The following SLC6A12 variants were observed in gnomAD, a reference collection of about 807,000 sequenced individuals.
SLC6A12 encodes sodium- and chloride-dependent betaine transporter.
In SLC6A12, 50 loss-of-function variants were observed where a neutral mutation model predicts 73.3. The observed-to-expected ratio is 0.68, with a 90% CI of 0.54 to 0.86. SLC6A12 has a LOEUF of 0.86. Ranked by LOEUF, SLC6A12 falls within the 40% of genes least tolerant of loss-of-function variation. The pLI is 0.00. For synonymous variants in SLC6A12, 304 were observed against 309.2 expected (o/e 0.98, Z 0.18); for missense variants, 648 against 772.8 (o/e 0.84, Z 1.92).
chr12:205,258 G>T (rs1456640478), intron 3 of SLC6A12, among the ~76,000 whole-genome samples: 1 of 152,048 alleles, frequency 6.6e-6, no homozygotes. Flanking sequence ...CATCCAGCAG[G>T]TTACACAGGA....
At chr12:211,605 G>A (rs1335678337) in intron 2 of SLC6A12, among the ~76,000 whole-genome samples, 2 of 152,164 alleles carry the variant, frequency 1.3e-5, no homozygotes, top group African/African-American at 4.8e-5. Context: ...ATGAAAAAAT[G>A]GGGAGTTGGG....
intron 4 of SLC6A12, chr12:204,164 C>G (rs1347975417): frequency 4.6e-6 from 1 of 219,186 alleles, no homozygotes; most frequent in South Asian, 8.2e-5. Flanking sequence ...CTGCTGGGGT[C>G]GAGGGCAGAA....
At position 213,134 on chromosome 12, in the gene SLC6A12, C is replaced by G. The variant is rs1940971441; in HGVS notation, c.-143+788G>C. 6.6e-6 allele frequency among the ~76,000 whole-genome samples: 1 copy of G among 152,124 alleles called. No individual in the cohort carries two copies. Among genetic ancestry groups the G allele is most frequent in the Non-Finnish European group, 1.5e-5 (1 of 68,018 alleles). Reference sequence around the variant, plus strand: ...GTGCTGCTGGGATCCCAGCTCTGTCCCCTTTGCTCCCCAGTCCAGCATAGG... The same window carrying G: ...GTGCTGCTGGGATCCCAGCTCTGTCGCCTTTGCTCCCCAGTCCAGCATAGG... On this transcript the variant is annotated intron_variant, in intron 1 of 15. Coordinates refer to ENST00000684302, the MANE Select transcript of SLC6A12 (RefSeq NM_001122848.3). This position sits in a 1 kb window ranked among gnomAD's most constrained non-coding sequence, Gnocchi z 5.3.
At chr12:200,161 T>C (rs986536914) in intron 7 of SLC6A12, among the ~76,000 whole-genome samples, 6 of 142,758 alleles carry the variant, frequency 4.2e-5, no homozygotes, top group East Asian at 2.0e-4. Flanking sequence ...CAGGCTGGAG[T>C]GCAGTGGCGC....
intron 2 of SLC6A12, chr12:210,416 G>T: frequency 9.2e-7 from 1 of 1,085,972 alleles, no homozygotes; most frequent in Non-Finnish European, 1.1e-6. Context: ...CTAGCCTCTG[G>T]CCTCCAGGTC....
downstream of SLC6A12, among the ~76,000 whole-genome samples, chr12:185,217 C>G (rs1202862220): frequency 6.6e-6 from 1 of 152,222 alleles, no homozygotes; most frequent in Admixed American, 6.5e-5. Context: ...GACAGCTGGC[C>G]GGGTAAGGCC....
At chr12:202,693 G>C (rs555595520) in intron 5 of SLC6A12, 47 bp downstream of exon 5, 1 of 1,589,756 alleles carries the variant, frequency 6.3e-7, no homozygotes, top group South Asian at 1.1e-5. Context: ...AGCCACCGCA[G>C]CCCAGCCCCT....
chr12:188,110 T>G (rs552978309), downstream of SLC6A12, among the ~76,000 whole-genome samples: 29 of 152,328 alleles, frequency 1.9e-4, no homozygotes, highest in African/African-American at 5.8e-4. Context: ...TCCGGTTCCG[T>G]GCGCCCGCAC....
At chr12:201,355 G>A (rs1940253073) in intron 6 of SLC6A12, 1 of 222,704 alleles carries the variant, frequency 4.5e-6, no homozygotes, top group Non-Finnish European at 9.0e-6. Context: ...AGTGGAGGGT[G>A]TGCCCATGTC....
intron 13 of SLC6A12, among the ~76,000 whole-genome samples, chr12:193,723 G>A (rs146044701): frequency 1.6e-3 from 241 of 152,306 alleles, no homozygotes; most frequent in Non-Finnish European, 2.6e-3. Flanking sequence ...CTGTTTACCC[G>A]GGTAGCAGAG....
intron 9 of SLC6A12, 41 bp from the exon 10 acceptor site, chr12:197,542 AAG>A: frequency 1.3e-6 from 2 of 1,582,498 alleles, no homozygotes; most frequent in Non-Finnish European, 1.7e-6. Context: ...CGGGGAGGAA[AAG>A]AGAGGAAGAG....
At position 198,720 on chromosome 12, in the gene SLC6A12, T is replaced by C; in HGVS notation, c.846+77A>G. 1 of 1,298,974 alleles carries C rather than the reference T, an allele frequency of 7.7e-7. No individual in the cohort carries two copies. The highest frequency in any genetic ancestry group is 1.9e-4 in the Middle Eastern group (1 of 5,234). The allele number at this position is 1,298,974 out of a possible 1,614,324, so 80.5% of individuals were successfully genotyped here. ...ATTGCTTTTAAACCAAGGAAAAAGCTATACAAGACTTTCAAAACTACAGAC... is the reference window on the plus strand; with the variant it reads ...ATTGCTTTTAAACCAAGGAAAAAGCCATACAAGACTTTCAAAACTACAGAC... On this transcript the variant is annotated intron_variant, in intron 8 of 15. Transcript: ENST00000684302. This position sits in a 1 kb window ranked among gnomAD's most constrained non-coding sequence, Gnocchi z 4.0.
At chr12:202,381 G>A (rs1940317363) in intron 5 of SLC6A12, among the ~76,000 whole-genome samples, 1 of 152,246 alleles carries the variant, frequency 6.6e-6, no homozygotes, top group Non-Finnish European at 1.5e-5. Context: ...TAAACACAGT[G>A]AAGGCTGGGT....
At chr12:188,684 C>T (rs1446653620), downstream of SLC6A12, among the ~76,000 whole-genome samples, 1 of 48,694 alleles carries the variant, frequency 2.1e-5, no homozygotes, top group Non-Finnish European at 4.0e-5. Context: ...TATGCACACC[C>T]ACACACACAC....
downstream of SLC6A12, among the ~76,000 whole-genome samples, chr12:187,289 G>C (rs1020307079): frequency 2.0e-5 from 3 of 152,070 alleles, no homozygotes; most frequent in African/African-American, 7.2e-5. Flanking sequence ...TCACAGTGAG[G>C]GTTACAGTTC....
At chr12:203,447 G>C (rs1940415116) in intron 4 of SLC6A12, 1 of 152,094 alleles carries the variant, frequency 6.6e-6, no homozygotes, top group Non-Finnish European at 1.5e-5. Context: ...CCCTGGCAAG[G>C]ACGGGTTCCA....
chr12:186,160 C>CTT (rs1939425298), downstream of SLC6A12, among the ~76,000 whole-genome samples: 1 of 152,124 alleles, frequency 6.6e-6, no homozygotes, highest in Non-Finnish European at 1.5e-5. Flanking sequence ...AGGGACGCCT[C>CTT]TGAAGAGGGG....
chr12:191,668 GGT>G (rs1250183425), intron 15 of SLC6A12, among the ~76,000 whole-genome samples: 1 of 152,100 alleles, frequency 6.6e-6, no homozygotes, highest in Admixed American at 6.5e-5. Context: ...GACTGTTGGT[GGT>G]GGTGGTGGTG....
chr12:210,374 CA>C, intron 2 of SLC6A12: 1 of 1,120,240 alleles, frequency 8.9e-7, no homozygotes, highest in South Asian at 2.3e-5. Context: ...CCCATCTGCC[CA>C]GGTCCTTGAT....
Sources: gnomAD v4.1 joint callset for allele counts (sites outside exome capture counted in the v4.1 genomes callset) on GRCh38, gnomAD v4.1.1 for gene constraint, Gnocchi (gnomAD v3.1) non-coding constraint, MANE v1.5 for transcripts, NCBI Gene and HGNC (gene_info 2026-07-23, HGNC 2026-07-21) for gene names.